NFAT5: variants seen among roughly 807,000 people sequenced by gnomAD.
NFAT5 encodes nuclear factor of activated T cells 5.
Under a neutral mutation model 166.5 loss-of-function variants are expected in NFAT5, and 31 were observed. The ratio of observed to expected loss-of-function variants is 0.19; its 90% CI spans 0.14 to 0.25. The LOEUF is 0.25. Among genes scored for constraint, NFAT5 ranks in the 10% least tolerant of loss-of-function variants. NFAT5 has a pLI of 1.00. For missense variants in NFAT5, 1,449 were observed against 1,821.8 expected (o/e 0.80, Z 3.72); for synonymous variants, 612 against 639.7 (o/e 0.96, Z 0.65).
At chr16:69,683,570 T>C (rs1023372113) in intron 10 of NFAT5, among the ~76,000 whole-genome samples, 3 of 152,306 alleles carry the variant, frequency 2.0e-5, no homozygotes, top group South Asian at 4.1e-4. Context: ...AAATAAAATA[T>C]ATAATCATTT....
chr16:69,570,366 A>T (rs938380160), intron 2 of NFAT5, among the ~76,000 whole-genome samples: 2 of 152,022 alleles, frequency 1.3e-5, no homozygotes, highest in African/African-American at 4.8e-5. Flanking sequence ...TATTATTGAC[A>T]TTTTAAAGAA....
chr16:69,693,334 C>T lies in NFAT5; in HGVS notation c.3509C>T (p.Thr1170Ile). The change falls in exon 13 of 15, where the codon ACT becomes ATT. Residue 1170 changes from threonine (T) to isoleucine (I), a missense_variant. Coordinates refer to ENST00000349945, the MANE Select transcript of NFAT5 (RefSeq NM_138713.4). ...CAGAGTCCCATGAATAATCTTCAGA[C>T]TAACACAGTAGCCCAAGAAGCATTT... The part of the protein sequence containing the change: ...LSQSPMNNLQ[T>I]NTVAQEAFFA... 6.2e-7 allele frequency: 1 copy of T among 1,614,202 alleles called. No individual in the cohort carries two copies. Among genetic ancestry groups the T allele is most frequent in the Non-Finnish European group, 8.5e-7 (1 of 1,180,028 alleles).
At chr16:69,687,991 G>A (rs2037379576) in intron 11 of NFAT5, among the ~76,000 whole-genome samples, 1 of 150,758 alleles carries the variant, frequency 6.6e-6, no homozygotes, top group African/African-American at 2.4e-5. Context: ...TCAGGAGATC[G>A]AGACCATCCT....
chr16:69,658,605 G>C (rs1447797126), intron 6 of NFAT5, among the ~76,000 whole-genome samples: 1 of 152,034 alleles, frequency 6.6e-6, no homozygotes, highest in African/African-American at 2.4e-5. Flanking sequence ...GAGGTGGACA[G>C]ATCTCTTGAG....
rs1446715074 is a variant in NFAT5 at position 69,702,373 on chromosome 16, CA to C, written c.*6023del. ...ATAAGGGGAAATAATTATGCTTTAGCACATCATTTTAGAAACGTCACATTTT... is the reference window on the plus strand; with the variant it reads ...ATAAGGGGAAATAATTATGCTTTAGCCATCATTTTAGAAACGTCACATTTT... On this transcript the variant is annotated 3_prime_UTR_variant, in exon 15 of 15. Coordinates refer to ENST00000349945, the MANE Select transcript of NFAT5 (RefSeq NM_138713.4). 1 of 152,368 alleles carries C rather than the reference CA, an allele frequency of 6.6e-6. No homozygotes were observed. Among genetic ancestry groups the C allele is most frequent in the Non-Finnish European group, 1.5e-5 (1 of 68,030 alleles). 9.4% of individuals were successfully genotyped at this position (152,368 alleles called of 1,614,324 possible). A position where few individuals can be genotyped will look rare whatever the true frequency, so the allele number is the denominator to read the frequency against.
intron 2 of NFAT5, among the ~76,000 whole-genome samples, chr16:69,593,512 C>T (rs1256447857): frequency 6.6e-6 from 1 of 151,530 alleles, no homozygotes; most frequent in East Asian, 1.9e-4. Flanking sequence ...ACAGTGTCTC[C>T]CTAGGTTGCC....
intron 2 of NFAT5, among the ~76,000 whole-genome samples, chr16:69,603,105 A>T (rs936718768): frequency 3.3e-5 from 5 of 152,034 alleles, no homozygotes; most frequent in East Asian, 1.9e-4. Flanking sequence ...TTTATTTTTT[A>T]AAAAAACAGG....
intron 2 of NFAT5, among the ~76,000 whole-genome samples, chr16:69,572,540 GAA>G (rs1235547652): frequency 6.6e-6 from 1 of 151,886 alleles, no homozygotes; most frequent in Admixed American, 6.6e-5. Context: ...CAGCTGCAGA[GAA>G]AAGGCACCAT....
In NFAT5 at chr16:69,693,527, C is replaced by A. The variant is rs948856598; in HGVS notation, c.3702C>A (p.Gly1234=). Residue 1234 remains glycine (G), a synonymous_variant, in exon 13 of 15, where the codon GGC becomes GGA. Coordinates refer to ENST00000349945, the MANE Select transcript of NFAT5 (RefSeq NM_138713.4). The part of the protein sequence containing the change: ...QGLFQPQVAL[G]SLPPNPMPQS... ...TATTTCAGCCTCAGGTGGCCCTGGG[C>A]TCCCTTCCACCTAATCCAATGCCTC... 6.2e-7 allele frequency: 1 copy of A among 1,614,174 alleles called. No homozygotes were observed. Among genetic ancestry groups the A allele is most frequent in the Non-Finnish European group, 8.5e-7 (1 of 1,180,032 alleles).
intron 3 of NFAT5, chr16:69,644,874 G>GC (rs559504174): frequency 1.3e-5 from 6 of 453,216 alleles, no homozygotes; most frequent in Non-Finnish European, 2.7e-5. Flanking sequence ...GGAGAAAGTT[G>GC]CTTTATAGAA....
In NFAT5 at chr16:69,690,971, G is replaced by A. The variant is rs2151716385; in HGVS notation, c.1806G>A (p.Lys602=). ...AMKTTGCNLD[K]VNIIPNALMT... ...AAACTACTGGATGTAATTTAGATAA[G>A]GTAAATATTATCCCTAATGCCCTGA... Residue 602 remains lysine (K), a synonymous_variant, in exon 12 of 15, where the codon AAG becomes AAA. Transcript: ENST00000349945. 6.3e-7 allele frequency: 1 copy of A among 1,595,322 alleles called. No individual in the cohort carries two copies. Among genetic ancestry groups the A allele is most frequent in the East Asian group, 2.3e-5 (1 of 44,160 alleles).
At chr16:69,580,220 A>AGTT (rs1280498863) in intron 2 of NFAT5, among the ~76,000 whole-genome samples, 1 of 152,008 alleles carries the variant, frequency 6.6e-6, no homozygotes, top group Non-Finnish European at 1.5e-5. Flanking sequence ...AATGTAATGT[A>AGTT]ACTACATTAC....
chr16:69,658,237 C>T (rs2035975957), intron 6 of NFAT5, among the ~76,000 whole-genome samples: 1 of 151,956 alleles, frequency 6.6e-6, no homozygotes, highest in African/African-American at 2.4e-5. Flanking sequence ...AATCCCAATG[C>T]TTTGGAAAGC....
At chr16:69,669,911 A>C (rs2036556452) in intron 7 of NFAT5, 66 bp from the exon 8 acceptor site, 20 of 1,410,026 alleles carry the variant, frequency 1.4e-5, no homozygotes, top group Admixed American at 7.8e-5. Context: ...GATGATTGCA[A>C]GTTGATTTTA....
chr16:69,659,467 T>C lies in NFAT5; in HGVS notation c.1197-260T>C, dbSNP rs565504316. Among the ~76,000 whole-genome samples, 71 of 152,254 alleles carry C rather than the reference T, an allele frequency of 4.7e-4. 1 individual carries two copies. Among genetic ancestry groups the C allele is most frequent in the African/African-American group, 1.7e-3 (70 of 41,556 alleles). On this transcript the variant is annotated intron_variant, in intron 6 of 14. Transcript: ENST00000349945. ...AAAAAAAAGATCTCTTATAAGCCAT[T>C]ATTTATGTTCAGATTTTAAAATAGT...
intron 2 of NFAT5, among the ~76,000 whole-genome samples, chr16:69,589,055 C>T (rs1312036641): frequency 7.8e-6 from 1 of 127,524 alleles, no homozygotes; most frequent in African/African-American, 3.0e-5. Context: ...AGTGCAATGG[C>T]ACAATCTTGG....
chr16:69,703,492 C>G lies in NFAT5; in HGVS notation c.*7141C>G, dbSNP rs1247092738. 2 of 152,696 alleles carry G rather than the reference C, an allele frequency of 1.3e-5. No homozygotes were observed. Among genetic ancestry groups the G allele is most frequent in the East Asian group, 3.9e-4 (2 of 5,194 alleles). 9.5% of individuals were successfully genotyped at this position (152,696 alleles called of 1,614,324 possible). A position where few individuals can be genotyped will look rare whatever the true frequency, so the allele number is the denominator to read the frequency against. On this transcript the variant is annotated 3_prime_UTR_variant, in exon 15 of 15. Transcript: ENST00000349945. ...GATTGATTCATTTCATTTTAATCTCCTTGTGTAATTCAGTACCTCCATAAT... is the reference window on the plus strand; with the variant it reads ...GATTGATTCATTTCATTTTAATCTCGTTGTGTAATTCAGTACCTCCATAAT...
intron 2 of NFAT5, among the ~76,000 whole-genome samples, chr16:69,618,485 G>C (rs1353596757): frequency 6.6e-6 from 1 of 152,226 alleles, no homozygotes. Context: ...GAGATGCCAA[G>C]TATGATGACT....
intron 2 of NFAT5, among the ~76,000 whole-genome samples, chr16:69,589,187 T>C (rs1344892309): frequency 6.6e-6 from 1 of 151,722 alleles, no homozygotes; most frequent in African/African-American, 2.4e-5. Flanking sequence ...AGAGACAGGG[T>C]TTCTCCATGT....
Sources: allele counts gnomAD v4.1 joint callset (sites outside exome capture counted in the v4.1 genomes callset), GRCh38; gene constraint gnomAD v4.1.1; transcripts MANE v1.5; gene names NCBI Gene and HGNC (gene_info 2026-07-23, HGNC 2026-07-21).